PEAK1: variants seen among roughly 807,000 people sequenced by gnomAD.
PEAK1 encodes the protein inactive tyrosine-protein kinase PEAK1.
A neutral mutation model predicts 124.7 loss-of-function variants in PEAK1; 54 were observed. The observed-to-expected ratio is 0.43, with a 90% CI of 0.35 to 0.54. The LOEUF is 0.54. Among genes scored for constraint, PEAK1 ranks in the 20% least tolerant of loss-of-function variants. The probability of loss-of-function intolerance (pLI) is 0.01; values close to 1 mark genes in which losing one functional copy is unlikely to be tolerated. For missense variants in PEAK1, 2,046 were observed against 2,134.5 expected (o/e 0.96, Z 0.82); for synonymous variants, 719 against 760.0 (o/e 0.95, Z 0.89).
rs138708206 is a variant in PEAK1 at position 77,243,653 on chromosome 15, G to A, written c.-115+8714C>T. Among the ~76,000 whole-genome samples, 579 of 152,318 alleles carry A rather than the reference G, an allele frequency of 3.8e-3. 4 individuals carry two copies. The highest frequency in any genetic ancestry group is 0.013 in the African/African-American group (549 of 41,566). Reference sequence around the variant, plus strand: ...AAGCTACAATGAATAATCCTTCAAAGAGGGATGAGAATGTGTATTAGAAAC... The same window carrying A: ...AAGCTACAATGAATAATCCTTCAAAAAGGGATGAGAATGTGTATTAGAAAC... On this transcript the variant is annotated intron_variant, in intron 6 of 9. Transcript: ENST00000682557.
At chr15:77,189,598 A>G (rs2057731905) in intron 6 of PEAK1, among the ~76,000 whole-genome samples, 1 of 152,246 alleles carries the variant, frequency 6.6e-6, no homozygotes. Flanking sequence ...ACAAACAGGC[A>G]TAAACTTAGC....
chr15:77,334,122 A>G (rs149733073), intron 2 of PEAK1: 2 of 902,506 alleles, frequency 2.2e-6, no homozygotes, highest in East Asian at 2.4e-4. Flanking sequence ...TATCGTTTCT[A>G]AATACTTAAG....
intron 7 of PEAK1, among the ~76,000 whole-genome samples, chr15:77,167,839 T>C (rs1381627395): frequency 6.6e-6 from 1 of 152,218 alleles, no homozygotes; most frequent in Non-Finnish European, 1.5e-5. Context: ...CTGCATCAAT[T>C]AACTCGTCAT....
intron 1 of PEAK1, chr15:77,418,642 C>T: frequency 4.1e-6 from 4 of 985,328 alleles, no homozygotes; most frequent in Non-Finnish European, 4.8e-6. Flanking sequence ...TAATTAGGGT[C>T]GTCAGTGAAT....
intron 1 of PEAK1, among the ~76,000 whole-genome samples, chr15:77,375,164 A>G (rs1211644220): frequency 6.6e-6 from 1 of 152,238 alleles, no homozygotes; most frequent in Non-Finnish European, 1.5e-5. Context: ...CATTTATTGA[A>G]CACCTATATA....
At chr15:77,136,816 T>A (rs2053371718) in intron 8 of PEAK1, among the ~76,000 whole-genome samples, 1 of 152,212 alleles carries the variant, frequency 6.6e-6, no homozygotes, top group African/African-American at 2.4e-5. Context: ...AACGAGGAGC[T>A]GAAGGTTAAT....
intron 6 of PEAK1, among the ~76,000 whole-genome samples, chr15:77,251,069 C>T (rs2152925151): frequency 6.6e-6 from 1 of 152,312 alleles, no homozygotes; most frequent in South Asian, 2.1e-4. Context: ...TTCGGTCCAT[C>T]ATACCCATTC....
intron 4 of PEAK1, among the ~76,000 whole-genome samples, chr15:77,284,381 C>T (rs2062817530): frequency 1.3e-5 from 2 of 152,262 alleles, no homozygotes; most frequent in Middle Eastern, 3.4e-3. Context: ...CTGTAAGGGA[C>T]TTATGGAACA....
chr15:77,357,583 A>G (rs148056645), intron 2 of PEAK1, among the ~76,000 whole-genome samples: 1 of 152,348 alleles, frequency 6.6e-6, no homozygotes, highest in East Asian at 1.9e-4. Flanking sequence ...TAAAAAAAGT[A>G]AGAAGCAAAA....
At chr15:77,336,141 A>C in intron 2 of PEAK1, 1 of 985,414 alleles carries the variant, frequency 1.0e-6, no homozygotes, top group African/African-American at 1.7e-5. Flanking sequence ...GTCTCTCCAA[A>C]AGACAGATGA....
At chr15:77,285,196 A>G (rs958476003) in intron 3 of PEAK1, 141 bp from the exon 4 acceptor site, 4 of 152,040 alleles carry the variant, frequency 2.6e-5, no homozygotes, top group Non-Finnish European at 4.4e-5. Context: ...GATCTCGGAC[A>G]ATTTGCTTAT....
chr15:77,140,650 TAA>T (rs2053703761), intron 8 of PEAK1, among the ~76,000 whole-genome samples: 1 of 151,924 alleles, frequency 6.6e-6, no homozygotes, highest in African/African-American at 2.4e-5. Flanking sequence ...TACTTAATGA[TAA>T]AAGACTGGAA....
intron 5 of PEAK1, among the ~76,000 whole-genome samples, chr15:77,266,617 C>G (rs1204447945): frequency 6.6e-6 from 1 of 152,112 alleles, no homozygotes; most frequent in Non-Finnish European, 1.5e-5. Context: ...TCAGGAAAAT[C>G]ATAACTTGAA....
rs756075352 is a variant in PEAK1, at chr15:77,181,373, T to C, written c.554A>G (p.Lys185Arg). The C allele has an allele frequency of 1.9e-6, 3 of 1,614,062 alleles. No homozygotes were observed. The African/African-American group carries it at 4.0e-5, about 22-fold the overall frequency. ...TGGAAGCTTTCTTTCCAATGATCGT[T>C]TATAGCAATCATTTATTCTTCCCAA... ...TFLGRINDCY[K>R]RSLERKLPPS... Residue 185 changes from lysine (K) to arginine (R), a missense_variant, in exon 7 of 10, where the codon AAA becomes AGA. Physicochemically the swap from Lys to Arg is conservative, Grantham distance 26 (BLOSUM62 2). Coordinates refer to ENST00000682557, the MANE Select transcript of PEAK1 (RefSeq NM_001385026.1).
intron 6 of PEAK1, among the ~76,000 whole-genome samples, chr15:77,210,116 G>A (rs1012696370): frequency 1.3e-5 from 2 of 152,126 alleles, no homozygotes; most frequent in African/African-American, 2.4e-5. Flanking sequence ...GGATAACTAA[G>A]TGCTATAGCA....
chr15:77,150,399 A>T (rs1299438578), intron 8 of PEAK1, among the ~76,000 whole-genome samples: 1 of 152,202 alleles, frequency 6.6e-6, no homozygotes, highest in Non-Finnish European at 1.5e-5. Context: ...GGTTGTGAGG[A>T]TTAAATGAGC....
chr15:77,274,525 A>T (rs981010627), intron 5 of PEAK1, among the ~76,000 whole-genome samples: 4 of 152,154 alleles, frequency 2.6e-5, no homozygotes, highest in African/African-American at 9.6e-5. Context: ...AACATCACTA[A>T]TGATCAGGGA....
chr15:77,370,893 G>T, intron 1 of PEAK1: 1 of 411,060 alleles, frequency 2.4e-6, no homozygotes, highest in Non-Finnish European at 3.3e-6. Context: ...AATCACGTGT[G>T]GTGGCCCACG....
chr15:77,347,280 T>A, intron 2 of PEAK1: 1 of 985,028 alleles, frequency 1.0e-6, no homozygotes, highest in Non-Finnish European at 1.2e-6. Flanking sequence ...GAACTATTCA[T>A]GGAAATTCAC....
Sources: gnomAD v4.1 joint callset for allele counts (sites outside exome capture counted in the v4.1 genomes callset) on GRCh38, gnomAD v4.1.1 for gene constraint, MANE v1.5 for transcripts, NCBI Gene and HGNC (gene_info 2026-07-23, HGNC 2026-07-21) for gene names.